Variants in PLCB1 observed in about 807,000 individuals in gnomAD.
PLCB1 encodes 1-phosphatidylinositol 4,5-bisphosphate phosphodiesterase beta-1.
PLCB1 carries 46 observed loss-of-function variants against 161.8 expected under a neutral mutation model. The ratio of observed to expected loss-of-function variants is 0.28; its 90% CI spans 0.22 to 0.36. The LOEUF (loss-of-function observed/expected upper bound fraction) is 0.36. PLCB1 is among the 10% of genes least tolerant of loss of function. The probability of loss-of-function intolerance (pLI) is 1.00; values close to 1 mark genes in which losing one functional copy is unlikely to be tolerated. For missense variants in PLCB1, 1,016 were observed against 1,472.5 expected, an observed-to-expected ratio of 0.69 and a Z score of 5.07; for synonymous variants, 517 against 503.7, an observed-to-expected ratio of 1.03 and a Z score of -0.35.
intron 3 of PLCB1, among the ~76,000 whole-genome samples, chr20:8,494,509 C>A (rs1187098524): frequency 5.3e-5 from 8 of 152,166 alleles, no homozygotes. Context: ...ATTTCAGAAG[C>A]TAGCCTGCAC....
intron 3 of PLCB1, among the ~76,000 whole-genome samples, chr20:8,617,760 C>T (rs781102066): frequency 1.3e-5 from 2 of 152,102 alleles, no homozygotes; most frequent in Non-Finnish European, 2.9e-5. Flanking sequence ...TGTGAATCTT[C>T]CAATCGTCTA....
chr20:8,379,490 T>G (rs1293433469), intron 3 of PLCB1, among the ~76,000 whole-genome samples: 1 of 152,196 alleles, frequency 6.6e-6, no homozygotes. Flanking sequence ...CTGGGTCAAA[T>G]GGTGTTTCTG....
chr20:8,377,331 G>T (rs1243327059), intron 3 of PLCB1, among the ~76,000 whole-genome samples: 4 of 152,144 alleles, frequency 2.6e-5, no homozygotes, highest in African/African-American at 9.7e-5. Context: ...CATATTTCAG[G>T]AATAGAGGAA....
chr20:8,523,500 A>C (rs35120860), intron 3 of PLCB1, among the ~76,000 whole-genome samples: 5,752 of 65,264 alleles, frequency 0.088, 319 homozygotes, highest in East Asian at 0.24. Flanking sequence ...CTCTCTCTAT[A>C]TATATATATA....
chr20:8,658,690 G>T lies in PLCB1; in HGVS notation c.848G>T (p.Ser283Ile). 6.2e-7 allele frequency: 1 copy of T among 1,604,136 alleles called. No homozygotes were observed. Among genetic ancestry groups the T allele is most frequent in the Non-Finnish European group, 8.5e-7 (1 of 1,176,866 alleles). The change falls in exon 9 of 32, where the codon AGC becomes ATC. Residue 283 changes from serine to isoleucine, a missense_variant. Transcript: ENST00000338037. The part of the protein sequence containing the change: ...VLIEKYEPNN[S>I]LARKGQISVD... ...ATTGAGAAGTATGAACCCAACAACA[G>T]CCTCGCCAGAAAAGGTCAGTACTTT...
chr20:8,685,687 A>T (rs1467220839), intron 10 of PLCB1, among the ~76,000 whole-genome samples: 1 of 151,540 alleles, frequency 6.6e-6, no homozygotes, highest in Non-Finnish European at 1.5e-5. Flanking sequence ...CAGTGAGCCG[A>T]GATCACACCA....
intron 2 of PLCB1, among the ~76,000 whole-genome samples, chr20:8,334,039 A>C (rs1488546898): frequency 1.3e-5 from 2 of 152,076 alleles, no homozygotes; most frequent in Non-Finnish European, 2.9e-5. Context: ...AAGAAACCCC[A>C]TCTCTACTAA....
intron 3 of PLCB1, among the ~76,000 whole-genome samples, chr20:8,481,936 T>C (rs1322755795): frequency 2.0e-5 from 3 of 152,112 alleles, no homozygotes; most frequent in African/African-American, 4.8e-5. Flanking sequence ...TTAAGTATCA[T>C]GATAACTTTC....
chr20:8,769,205 C>T (rs1982537277), intron 26 of PLCB1, among the ~76,000 whole-genome samples: 2 of 151,956 alleles, frequency 1.3e-5, no homozygotes, highest in African/African-American at 2.4e-5. Context: ...ATTAACAGAG[C>T]GTTGTGTAAG....
chr20:8,620,224 T>C (rs900691069), intron 3 of PLCB1, among the ~76,000 whole-genome samples: 2 of 152,202 alleles, frequency 1.3e-5, no homozygotes, highest in Admixed American at 1.3e-4. Context: ...TTAAGTATAC[T>C]ACCAGCTATT....
intron 2 of PLCB1, among the ~76,000 whole-genome samples, chr20:8,161,564 A>C (rs150542617): frequency 6.6e-6 from 1 of 152,340 alleles, no homozygotes; most frequent in Admixed American, 6.5e-5. Flanking sequence ...TGTAAAGTTA[A>C]GTTTGCCTGC....
intron 23 of PLCB1, 106 bp downstream of exon 23, chr20:8,741,679 A>G: frequency 1.5e-6 from 1 of 679,556 alleles, no homozygotes; most frequent in East Asian, 2.8e-5. Flanking sequence ...GGAATAGCAC[A>G]TTGGAACAAC....
intron 4 of PLCB1, among the ~76,000 whole-genome samples, chr20:8,640,128 A>C (rs1377101860): frequency 6.6e-6 from 1 of 152,272 alleles, no homozygotes; most frequent in East Asian, 1.9e-4. Context: ...AATTTAAAAC[A>C]AATTTATTTC....
At chr20:8,257,119 T>C (rs766456057) in intron 2 of PLCB1, among the ~76,000 whole-genome samples, 3 of 152,162 alleles carry the variant, frequency 2.0e-5, no homozygotes, top group Non-Finnish European at 2.9e-5. Flanking sequence ...AGGTTTTAGA[T>C]GAACGATTCC....
At chr20:8,251,077 G>C (rs1332755818) in intron 2 of PLCB1, among the ~76,000 whole-genome samples, 2 of 151,946 alleles carry the variant, frequency 1.3e-5, no homozygotes, top group Non-Finnish European at 2.9e-5. Context: ...TCAGTGTCTG[G>C]TAGTGGTCTG....
At chr20:8,493,585 A>G (rs1327021707) in intron 3 of PLCB1, among the ~76,000 whole-genome samples, 1 of 152,238 alleles carries the variant, frequency 6.6e-6, no homozygotes, top group Non-Finnish European at 1.5e-5. Context: ...ACTTTATGAG[A>G]TGCTTTGTTT....
chr20:8,884,045 T>A lies in PLCB1; in HGVS notation c.*2196T>A, dbSNP rs1432030497. ...AGTCCAGAGATAGAATAAAGTTGAATAACCTTGACTTACACAAAACTGTTT... is the reference window on the plus strand; with the variant it reads ...AGTCCAGAGATAGAATAAAGTTGAAAAACCTTGACTTACACAAAACTGTTT... On this transcript the variant is annotated 3_prime_UTR_variant, in exon 32 of 32. Transcript: ENST00000338037. 2 of 152,284 alleles carry A rather than the reference T, an allele frequency of 1.3e-5. No homozygotes were observed. Among genetic ancestry groups the A allele is most frequent in the Non-Finnish European group, 2.9e-5 (2 of 68,004 alleles). 9.4% of individuals were successfully genotyped at this position (152,284 alleles called of 1,614,324 possible). A position where few individuals can be genotyped will look rare whatever the true frequency, so the allele number is the denominator to read the frequency against.
At chr20:8,433,264 C>T (rs534566536) in intron 3 of PLCB1, among the ~76,000 whole-genome samples, 3 of 152,204 alleles carry the variant, frequency 2.0e-5, no homozygotes, top group East Asian at 3.9e-4. Flanking sequence ...AAGTTTTAAC[C>T]GTGAACTTTC....
intron 3 of PLCB1, among the ~76,000 whole-genome samples, chr20:8,502,932 C>A (rs1448856552): frequency 6.6e-6 from 1 of 152,158 alleles, no homozygotes; most frequent in Non-Finnish European, 1.5e-5. Flanking sequence ...ATTCAGTCCC[C>A]TCTTCCACTC....
Sources: allele counts gnomAD v4.1 joint callset (sites outside exome capture counted in the v4.1 genomes callset), GRCh38; gene constraint gnomAD v4.1.1; transcripts MANE v1.5; gene names NCBI Gene and HGNC (gene_info 2026-07-23, HGNC 2026-07-21).